The following MAPK6 variants were observed in gnomAD, a reference collection of about 807,000 sequenced individuals.
MAPK6 encodes mitogen-activated protein kinase 6, also known as ERK-3.
In MAPK6, 19 loss-of-function variants were observed where a neutral mutation model predicts 59.3. The ratio of observed to expected loss-of-function variants is 0.32; its 90% CI spans 0.22 to 0.47. The LOEUF is 0.47. MAPK6 is among the 20% of genes least tolerant of loss of function. The pLI, the probability that MAPK6 is intolerant of heterozygous loss-of-function variation, is 1.00. For synonymous variants in MAPK6, 316 were observed against 290.3 expected (o/e 1.09, Z -0.90); for missense variants, 724 against 847.9 (o/e 0.85, Z 1.81).
intron 3 of MAPK6, among the ~76,000 whole-genome samples, chr15:52,008,155 A>T (rs1420409066): frequency 2.6e-5 from 4 of 151,938 alleles, no homozygotes; most frequent in African/African-American, 9.7e-5. Context: ...CCCTTATTTC[A>T]CTTCCTGATG....
At chr15:52,021,028 C>A (rs982622231) in intron 1 of MAPK6, among the ~76,000 whole-genome samples, 1 of 152,062 alleles carries the variant, frequency 6.6e-6, no homozygotes, top group African/African-American at 2.4e-5. Context: ...TGAGGATATT[C>A]TGGAATTCAT....
intron 2 of MAPK6, among the ~76,000 whole-genome samples, chr15:52,000,631 C>T (rs1018482464): frequency 6.6e-6 from 1 of 152,072 alleles, no homozygotes; most frequent in African/African-American, 2.4e-5. Context: ...TATGGTGAAA[C>T]TCCGTCTCTA....
intron 1 of MAPK6, among the ~76,000 whole-genome samples, chr15:52,034,655 T>C (rs184963712): frequency 8.5e-4 from 130 of 152,258 alleles, no homozygotes; most frequent in Non-Finnish European, 1.7e-3. Flanking sequence ...ACTTTTCTTT[T>C]TGTTTTCAAC....
chr15:51,980,549 A>G (rs535434125), intron 1 of MAPK6, among the ~76,000 whole-genome samples: 1 of 148,476 alleles, frequency 6.7e-6, no homozygotes, highest in South Asian at 2.2e-4. Context: ...TAGTTGCCTC[A>G]AGTATTTTTT....
rs201133744 is a variant in MAPK6 at position 52,061,274 on chromosome 15, A to C, written c.866-25A>C. 912 of 1,584,454 alleles carry C rather than the reference A, an allele frequency of 5.8e-4. 1 individual carries two copies. The highest frequency in any genetic ancestry group is 7.4e-4 in the Non-Finnish European group (851 of 1,155,078). On this transcript the variant is annotated intron_variant, in intron 4 of 5. Coordinates refer to ENST00000261845, the MANE Select transcript of MAPK6 (RefSeq NM_002748.4). Reference sequence around the variant, plus strand: ...CTAAAGGTAAGCAATTCTTTTCTGAAAAACTTTTACCTTTTCCTCTGCAGC... The same window carrying C: ...CTAAAGGTAAGCAATTCTTTTCTGACAAACTTTTACCTTTTCCTCTGCAGC...
Position 52,042,644 on chromosome 15 carries a change from A to G in MAPK6, c.-631-3186A>G, listed in dbSNP as rs149210638. On this transcript the variant is annotated intron_variant, in intron 1 of 5. Transcript: ENST00000261845. ...CTATAGTGCTATTCTGTCAGATAACAGTGGTGTAATTTTTGACAAAGCATT... is the reference window on the plus strand; with the variant it reads ...CTATAGTGCTATTCTGTCAGATAACGGTGGTGTAATTTTTGACAAAGCATT... The G allele has an allele frequency of 3.3e-5, 5 of 152,334 alleles. No individual in the cohort carries two copies. The East Asian group carries it at 9.6e-4, about 29-fold the overall frequency. The allele number at this position is 152,334 out of a possible 1,614,324, so 9.4% of individuals were successfully genotyped here.
chr15:52,022,406 G>C (rs964618228), intron 1 of MAPK6, among the ~76,000 whole-genome samples: 2 of 152,086 alleles, frequency 1.3e-5, no homozygotes, highest in African/African-American at 4.8e-5. Context: ...GACTACAGCT[G>C]TGTGCGACCA....
In MAPK6 at chr15:52,065,775, G is replaced by C. The variant is rs1566917441; in HGVS notation, c.*775G>C. On this transcript the variant is annotated 3_prime_UTR_variant, in exon 6 of 6. Coordinates refer to ENST00000261845, the MANE Select transcript of MAPK6 (RefSeq NM_002748.4). The stretch of plus-strand genomic sequence containing the variant: ...CTTTTTCCATTTGGCACTATGGTTT[G>C]TTGCCTACCTAGCTGCATCTATAAT... The C allele has an allele frequency of 6.6e-6, 1 of 152,494 alleles. No homozygotes were observed. The highest frequency in any genetic ancestry group is 1.5e-5 in the Non-Finnish European group (1 of 68,012). The allele number at this position is 152,494 out of a possible 1,614,324, so 9.4% of individuals were successfully genotyped here.
At chr15:52,003,929 C>A (rs538645649) in intron 2 of MAPK6, among the ~76,000 whole-genome samples, 2 of 152,340 alleles carry the variant, frequency 1.3e-5, no homozygotes, top group South Asian at 2.1e-4. Context: ...GGCAAGAATG[C>A]AAAATGCTTA....
At chr15:51,986,060 A>C (rs1486201334) in intron 2 of MAPK6, among the ~76,000 whole-genome samples, 3 of 152,222 alleles carry the variant, frequency 2.0e-5, no homozygotes, top group Non-Finnish European at 4.4e-5. Flanking sequence ...ATTTATGAAG[A>C]AAAGAGGTTT....
chr15:52,057,708 A>C (rs900112878), intron 3 of MAPK6, among the ~76,000 whole-genome samples: 1 of 152,038 alleles, frequency 6.6e-6, no homozygotes, highest in South Asian at 2.1e-4. Context: ...TGCCTGGCTA[A>C]TTTTTGTATT....
intron 3 of MAPK6, among the ~76,000 whole-genome samples, chr15:52,013,020 AATATATATATATATATATATATATAT>A (rs71130116): frequency 8.9e-4 from 17 of 19,126 alleles, no homozygotes; most frequent in African/African-American, 3.2e-3. Flanking sequence ...AAAAAAAAAA[AATATATATATATATATATATATATAT>A]ATATATATAT....
At chr15:52,058,564 T>A in intron 3 of MAPK6, 69 bp from the exon 4 acceptor site, 1 of 1,287,832 alleles carries the variant, frequency 7.8e-7, no homozygotes, top group Non-Finnish European at 1.0e-6. Flanking sequence ...TTTAAATTAG[T>A]TTAGTATGTT....
chr15:52,042,623 A>G (rs1281304909), intron 1 of MAPK6: 1 of 152,204 alleles, frequency 6.6e-6, no homozygotes, highest in African/African-American at 2.4e-5. Flanking sequence ...CTCCTACTAT[A>G]GTGCTATTCT....
chr15:52,051,339 G>A (rs985874411), intron 3 of MAPK6, among the ~76,000 whole-genome samples: 3 of 152,014 alleles, frequency 2.0e-5, no homozygotes, highest in Non-Finnish European at 2.9e-5. Context: ...TTACAGGCGT[G>A]AGCCACCCCA....
chr15:51,974,339 A>C (rs1015987960), intron 1 of MAPK6, among the ~76,000 whole-genome samples: 2 of 151,610 alleles, frequency 1.3e-5, no homozygotes, highest in African/African-American at 4.8e-5. Context: ...TTTGTGTTCA[A>C]CTAATTTAAC....
At chr15:52,005,280 T>G (rs145054450) in intron 3 of MAPK6, among the ~76,000 whole-genome samples, 1,998 of 152,120 alleles carry the variant, frequency 0.013, 33 homozygotes, top group Middle Eastern at 0.034. Flanking sequence ...ATCCCAGCAC[T>G]TTGGGAGGCT....
chr15:51,997,407 G>A (rs765720931), intron 2 of MAPK6, among the ~76,000 whole-genome samples: 1 of 146,874 alleles, frequency 6.8e-6, no homozygotes, highest in African/African-American at 2.5e-5. Flanking sequence ...AAGTAGACAT[G>A]TGCCACGACA....
upstream of MAPK6, among the ~76,000 whole-genome samples, chr15:52,016,905 G>T (rs1373098803): frequency 1.3e-5 from 2 of 152,142 alleles, no homozygotes; most frequent in Admixed American, 1.3e-4. Flanking sequence ...TCAGCTGGGT[G>T]TGCTGGCGCG....
Sources: allele counts gnomAD v4.1 joint callset (sites outside exome capture counted in the v4.1 genomes callset), GRCh38; gene constraint gnomAD v4.1.1; transcripts MANE v1.5; gene names NCBI Gene and HGNC (gene_info 2026-07-23, HGNC 2026-07-21).